Variants in NR2E1 observed in about 807,000 individuals in gnomAD.
NR2E1 encodes the protein nuclear receptor TLX.
In NR2E1, 5 loss-of-function variants were observed where a neutral mutation model predicts 43.6. That is an observed-to-expected ratio of 0.11 (90% CI 0.06 to 0.24). NR2E1 has a LOEUF of 0.24. Among genes scored for constraint, NR2E1 ranks in the 10% least tolerant of loss-of-function variants. The pLI is 1.00. For synonymous variants in NR2E1, 191 were observed against 195.5 expected, an observed-to-expected ratio of 0.98 and a Z score of 0.19; for missense variants, 287 against 496.7, an observed-to-expected ratio of 0.58 and a Z score of 4.01.
Position 108,169,961 on chromosome 6 carries a change from A to T in NR2E1, c.26-1497A>T, listed in dbSNP as rs1420295523. ...CGTTACCGAACACCCCCTCACCCCC[A>T]AGCACGGTCCCCCGCGCTCTCCTTC... On this transcript the variant is annotated intron_variant, in intron 1 of 8. Transcript: ENST00000368986. This position sits in a 1 kb window ranked among gnomAD's most constrained non-coding sequence, Gnocchi z 6.1. 1.2e-5 allele frequency among the ~76,000 whole-genome samples: 1 copy of T among 85,742 alleles called. No individual in the cohort carries two copies. The highest frequency in any genetic ancestry group is 1.1e-4 in the Admixed American group (1 of 9,162). The allele number at this position is 85,742 out of a possible 152,430, so 56.3% of individuals were successfully genotyped here.
rs749684954 is a variant in NR2E1, at chr6:108,169,952, C to G, written c.26-1506C>G. Reference sequence around the variant, plus strand: ...GAGCCTGGTCGTTACCGAACACCCCCTCACCCCCAAGCACGGTCCCCCGCG... The same window carrying G: ...GAGCCTGGTCGTTACCGAACACCCCGTCACCCCCAAGCACGGTCCCCCGCG... On this transcript the variant is annotated intron_variant, in intron 1 of 8. Coordinates refer to ENST00000368986, the MANE Select transcript of NR2E1 (RefSeq NM_003269.5). This position sits in a 1 kb window ranked among gnomAD's most constrained non-coding sequence, Gnocchi z 6.1. Among the ~76,000 whole-genome samples the G allele has an allele frequency of 2.6e-5, 4 of 152,038 alleles. No homozygotes were observed. Among genetic ancestry groups the G allele is most frequent in the African/African-American group, 9.7e-5 (4 of 41,384 alleles).
chr6:108,166,643 C>A lies in NR2E1; in HGVS notation c.-123C>A, dbSNP rs1562400508. ...CAGCGCGCGACTGACACCCACCTGT[C>A]CCGCCCAGGAGCCTTGCAGGCTGGA... On this transcript the variant is annotated 5_prime_UTR_variant, in exon 1 of 9. Transcript: ENST00000368986. This position sits in a 1 kb window ranked among gnomAD's most constrained non-coding sequence, Gnocchi z 7.2. 10 of 755,816 alleles carry A rather than the reference C, an allele frequency of 1.3e-5. No individual in the cohort carries two copies. The highest frequency in any genetic ancestry group is 3.5e-5 in the Admixed American group (1 of 28,384). 46.8% of individuals were successfully genotyped at this position (755,816 alleles called of 1,614,324 possible).
At position 108,166,592 on chromosome 6, in the gene NR2E1, G is replaced by A; in HGVS notation, c.-174G>A. 1 of 538,592 alleles carries A rather than the reference G, an allele frequency of 1.9e-6. No individual in the cohort carries two copies. The highest frequency in any genetic ancestry group is 2.6e-5 in the South Asian group (1 of 37,784). 33.4% of individuals were successfully genotyped at this position (538,592 alleles called of 1,614,324 possible). On this transcript the variant is annotated 5_prime_UTR_variant, in exon 1 of 9. Coordinates refer to ENST00000368986, the MANE Select transcript of NR2E1 (RefSeq NM_003269.5). This position sits in a 1 kb window ranked among gnomAD's most constrained non-coding sequence, Gnocchi z 7.2. ...GATGCTTAAATTTCCACTGTTGGACGAATTCTGAGCGCCCAGGGAGCAGCG... is the reference window on the plus strand; with the variant it reads ...GATGCTTAAATTTCCACTGTTGGACAAATTCTGAGCGCCCAGGGAGCAGCG...
chr6:108,168,606 C>A (rs79948437), intron 1 of NR2E1, among the ~76,000 whole-genome samples: 1,877 of 152,388 alleles, frequency 0.012, 41 homozygotes, highest in African/African-American at 0.042. Context: ...CAGGTCGGGA[C>A]GCGGCTGCTG....
chr6:108,179,674 T>C lies in NR2E1; in HGVS notation c.643-649T>C, dbSNP rs570113431. Among the ~76,000 whole-genome samples, 7 of 152,194 alleles carry C rather than the reference T, an allele frequency of 4.6e-5. No individual in the cohort carries two copies. The East Asian group carries it at 1.2e-3, about 25-fold the overall frequency. ...GTGAAGTGGAATCTGGTATATTAAT[T>C]TGGAAAAAGAGACAGATTTTCATTT... On this transcript the variant is annotated intron_variant, in intron 5 of 8. Transcript: ENST00000368986.
At chr6:108,176,822 G>T in intron 4 of NR2E1, 84 bp downstream of exon 4, 4 of 1,333,540 alleles carry the variant, frequency 3.0e-6, no homozygotes, top group Admixed American at 4.3e-5. Flanking sequence ...GTGTGATTGG[G>T]GTCAGGCAAA....
intron 8 of NR2E1, among the ~76,000 whole-genome samples, chr6:108,182,380 A>G (rs1774006788): frequency 1.3e-5 from 2 of 151,802 alleles, no homozygotes; most frequent in Admixed American, 6.6e-5. Flanking sequence ...CTTTCCAGAG[A>G]GGCTATCTTT....
intron 7 of NR2E1, among the ~76,000 whole-genome samples, chr6:108,181,344 C>A (rs1773982199): frequency 6.6e-6 from 1 of 152,106 alleles, no homozygotes; most frequent in Non-Finnish European, 1.5e-5. Flanking sequence ...CAGACACATG[C>A]CACCATGCCT....
At position 108,178,033 on chromosome 6, in the gene NR2E1, G is replaced by A; in HGVS notation, c.496-62G>A. The A allele has an allele frequency of 7.0e-6, 11 of 1,565,210 alleles. No homozygotes were observed. In the South Asian group the frequency reaches 8.9e-5, roughly 13 times the overall value. On this transcript the variant is annotated intron_variant, in intron 4 of 8. Transcript: ENST00000368986. The stretch of plus-strand genomic sequence containing the variant: ...TGCTTTAATTAGAAATTAAAAGTTT[G>A]GTTCTTCTTGCAAAGCTGTGGTTTC...
intron 1 of NR2E1, among the ~76,000 whole-genome samples, chr6:108,171,103 G>C (rs1233415204): frequency 6.6e-6 from 1 of 152,136 alleles, no homozygotes; most frequent in East Asian, 1.9e-4. Context: ...ATGCAAAAGC[G>C]AAGGAGGGAG....
chr6:108,176,286 C>T (rs1239493124), intron 3 of NR2E1: 3 of 595,378 alleles, frequency 5.0e-6, no homozygotes, highest in Non-Finnish European at 9.0e-6. Flanking sequence ...GCACGGGCCC[C>T]TCTTCTAAGC....
At chr6:108,174,769 G>C in intron 2 of NR2E1, 67 bp from the exon 3 acceptor site, 8 of 1,395,294 alleles carry the variant, frequency 5.7e-6, no homozygotes, top group Non-Finnish European at 7.1e-6. Flanking sequence ...TTCCCCGCCC[G>C]GGTGCCGGCT....
chr6:108,171,728 C>T lies in NR2E1; in HGVS notation c.171+125C>T, dbSNP rs111322469. 256 of 1,205,126 alleles carry T rather than the reference C, an allele frequency of 2.1e-4. 3 individuals are homozygous for T. In the African/African-American group the frequency reaches 3.3e-3, roughly 16 times the overall value. The allele number at this position is 1,205,126 out of a possible 1,614,324, so 74.7% of individuals were successfully genotyped here. On this transcript the variant is annotated intron_variant, in intron 2 of 8. Transcript: ENST00000368986. ...AGACCCGGCCCTGACCTCTCCCTTCCTCTCCCCTCCTTCTTGCCTCAACTC... is the reference window on the plus strand; with the variant it reads ...AGACCCGGCCCTGACCTCTCCCTTCTTCTCCCCTCCTTCTTGCCTCAACTC...
chr6:108,182,489 T>C (rs989598261), intron 8 of NR2E1, among the ~76,000 whole-genome samples: 5 of 151,562 alleles, frequency 3.3e-5, no homozygotes, highest in African/African-American at 7.3e-5. Flanking sequence ...CATGGGCTCA[T>C]GTGATCCTCC....
At chr6:108,181,146 A>G (rs889876075) in intron 7 of NR2E1, among the ~76,000 whole-genome samples, 190 bp downstream of exon 7, 2 of 152,056 alleles carry the variant, frequency 1.3e-5, no homozygotes, top group Admixed American at 1.3e-4. Context: ...CAACTTCCAG[A>G]GAGGTGCATT....
intron 8 of NR2E1, among the ~76,000 whole-genome samples, chr6:108,186,361 C>A (rs1349185103): frequency 3.3e-5 from 5 of 152,182 alleles, no homozygotes; most frequent in Admixed American, 2.6e-4. Flanking sequence ...AAGTTGCTCC[C>A]CTGAACTTTA....
At position 108,169,558 on chromosome 6, in the gene NR2E1, G is replaced by A. The variant is rs1562401734; in HGVS notation, c.26-1900G>A. 6.6e-6 allele frequency among the ~76,000 whole-genome samples: 1 copy of A among 152,198 alleles called. No homozygotes were observed. The highest frequency in any genetic ancestry group is 1.5e-5 in the Non-Finnish European group (1 of 68,036). On this transcript the variant is annotated intron_variant, in intron 1 of 8. Coordinates refer to ENST00000368986, the MANE Select transcript of NR2E1 (RefSeq NM_003269.5). The surrounding 1 kb of genome is among the most constrained non-coding windows in gnomAD (Gnocchi z 6.1). Reference sequence around the variant, plus strand: ...AACGTGGACCCTGGAGCGGTCAGAGGGCGCGTGTTAAGCAGAGGATGGTTG... The same window carrying A: ...AACGTGGACCCTGGAGCGGTCAGAGAGCGCGTGTTAAGCAGAGGATGGTTG...
At chr6:108,176,946 C>G (rs1773909579) in intron 4 of NR2E1, among the ~76,000 whole-genome samples, 2 of 152,208 alleles carry the variant, frequency 1.3e-5, no homozygotes, top group Admixed American at 1.3e-4. Context: ...GAGTCAACCT[C>G]CGAGTGGCTA....
At chr6:108,186,011 C>G (rs1774070640) in intron 8 of NR2E1, among the ~76,000 whole-genome samples, 1 of 152,148 alleles carries the variant, frequency 6.6e-6, no homozygotes, top group Non-Finnish European at 1.5e-5. Flanking sequence ...CTCTACTATG[C>G]CTGGTCCTGG....
Sources: gnomAD v4.1 joint callset for allele counts (sites outside exome capture counted in the v4.1 genomes callset) on GRCh38, gnomAD v4.1.1 for gene constraint, Gnocchi (gnomAD v3.1) non-coding constraint, MANE v1.5 for transcripts, NCBI Gene and HGNC (gene_info 2026-07-23, HGNC 2026-07-21) for gene names.